The following FOXP1 variants were observed in gnomAD, a reference collection of about 807,000 sequenced individuals.
The protein encoded by FOXP1 is forkhead box P1.
A neutral mutation model predicts 98.2 loss-of-function variants in FOXP1; 15 were observed. The ratio of observed to expected loss-of-function variants is 0.15; its 90% CI spans 0.10 to 0.24. FOXP1 has a LOEUF of 0.24. Ranked by LOEUF, FOXP1 falls within the 10% of genes least tolerant of loss-of-function variation. FOXP1 has a pLI of 1.00. For synonymous variants in FOXP1, 371 were observed against 314.5 expected (o/e 1.18, Z -1.90); for missense variants, 633 against 848.5 (o/e 0.75, Z 3.15).
In FOXP1 at chr3:71,196,631, C is replaced by T. The variant is rs141114446; in HGVS notation, c.180+1571G>A. ...TGGTAAGGGCACAGAAGATAGCATT[C>T]AGCAACATTAACTATTTGTTCTGAA... On this transcript the variant is annotated intron_variant, in intron 6 of 20. Transcript: ENST00000649528. 5.2e-3 allele frequency among the ~76,000 whole-genome samples: 785 copies of T among 152,330 alleles called. 26 individuals carry two copies. Among genetic ancestry groups the T allele is most frequent in the Non-Finnish European group, 1.4e-3 (97 of 68,030 alleles).
chr3:71,024,160 A>G (rs1007081414), intron 11 of FOXP1, among the ~76,000 whole-genome samples: 5 of 152,174 alleles, frequency 3.3e-5, no homozygotes, highest in Non-Finnish European at 5.9e-5. Context: ...ACACCTGCCC[A>G]AAGACGAGCA....
intron 13 of FOXP1, among the ~76,000 whole-genome samples, chr3:70,997,447 T>G (rs2041541640): frequency 6.6e-6 from 1 of 152,170 alleles, no homozygotes. Flanking sequence ...CCCCCATATG[T>G]GGTAGGTCTG....
chr3:71,342,926 C>T (rs541804495), intron 4 of FOXP1, among the ~76,000 whole-genome samples: 27 of 152,284 alleles, frequency 1.8e-4, no homozygotes, highest in African/African-American at 6.5e-4. Context: ...GTTTGGGTTA[C>T]TTCTTCTGTA....
At chr3:71,230,422 T>C (rs559260698) in intron 5 of FOXP1, among the ~76,000 whole-genome samples, 4 of 152,340 alleles carry the variant, frequency 2.6e-5, no homozygotes, top group East Asian at 1.9e-4. Flanking sequence ...GTGTGTTCAA[T>C]GCCCATGAAT....
chr3:71,474,241 A>C (rs900194192), intron 3 of FOXP1, among the ~76,000 whole-genome samples: 7 of 152,226 alleles, frequency 4.6e-5, no homozygotes, highest in African/African-American at 1.7e-4. Flanking sequence ...TAAAAAACCT[A>C]AACCACATTT....
At chr3:71,318,365 A>G (rs952680376) in intron 4 of FOXP1, among the ~76,000 whole-genome samples, 2 of 152,214 alleles carry the variant, frequency 1.3e-5, no homozygotes, top group African/African-American at 2.4e-5. Context: ...TCCCTGAATA[A>G]ACGAAAATAA....
intron 5 of FOXP1, among the ~76,000 whole-genome samples, chr3:71,281,059 A>G (rs112325815): frequency 5.3e-4 from 79 of 148,426 alleles, no homozygotes; most frequent in African/African-American, 1.3e-3. Flanking sequence ...AAAAAAAAAA[A>G]AAGAAGAAGA....
At chr3:71,167,410 A>C (rs2061443504) in intron 6 of FOXP1, among the ~76,000 whole-genome samples, 1 of 152,192 alleles carries the variant, frequency 6.6e-6, no homozygotes, top group Non-Finnish European at 1.5e-5. Flanking sequence ...TCCTTTAATA[A>C]CAGGGCAGTA....
intron 5 of FOXP1, among the ~76,000 whole-genome samples, chr3:71,233,590 CTCTTT>C: frequency 8.6e-6 from 1 of 116,458 alleles, no homozygotes; most frequent in Non-Finnish European, 1.8e-5. Flanking sequence ...CCATGTTTGA[CTCTTT>C]TTTTTTTTTT....
At chr3:71,302,564 C>A (rs891216105) in intron 4 of FOXP1, among the ~76,000 whole-genome samples, 1 of 150,470 alleles carries the variant, frequency 6.6e-6, no homozygotes, top group Non-Finnish European at 1.5e-5. Flanking sequence ...TCCCCTCCAG[C>A]CCACTTGTCT....
intron 7 of FOXP1, among the ~76,000 whole-genome samples, chr3:71,063,538 C>T (rs915370102): frequency 1.3e-5 from 2 of 152,232 alleles, no homozygotes; most frequent in Non-Finnish European, 2.9e-5. Flanking sequence ...CAAAACAGGG[C>T]CGCTTTTAAA....
chr3:71,542,103 C>G (rs978587298), intron 2 of FOXP1: 1 of 495,062 alleles, frequency 2.0e-6, no homozygotes, highest in African/African-American at 2.0e-5. Context: ...GAGGTTTAAG[C>G]AGAAATGCAG....
chr3:71,294,818 G>A (rs2073122507), intron 5 of FOXP1, among the ~76,000 whole-genome samples: 1 of 152,102 alleles, frequency 6.6e-6, no homozygotes, highest in Non-Finnish European at 1.5e-5. Flanking sequence ...ACAATGAGTG[G>A]GATGTATACA....
chr3:71,438,849 A>G (rs1019119635), intron 3 of FOXP1, among the ~76,000 whole-genome samples: 1 of 152,160 alleles, frequency 6.6e-6, no homozygotes, highest in African/African-American at 2.4e-5. Context: ...CGGAATATAA[A>G]GTAAATTACA....
chr3:71,015,255 G>T (rs1335375147), intron 12 of FOXP1, among the ~76,000 whole-genome samples: 9 of 152,170 alleles, frequency 5.9e-5, no homozygotes, highest in African/African-American at 1.7e-4. Context: ...CTAAAAAACT[G>T]CAAGTTTAAT....
At chr3:71,296,935 G>A (rs2073360891) in intron 5 of FOXP1, among the ~76,000 whole-genome samples, 1 of 152,116 alleles carries the variant, frequency 6.6e-6, no homozygotes, top group Admixed American at 6.6e-5. Flanking sequence ...CTTTTGCCAT[G>A]ACTGGAAGCT....
chr3:71,268,669 G>C (rs1299791653), intron 5 of FOXP1, among the ~76,000 whole-genome samples: 1 of 152,170 alleles, frequency 6.6e-6, no homozygotes, highest in Non-Finnish European at 1.5e-5. Flanking sequence ...ACTTCTGTTA[G>C]TCCCCTGATT....
intron 12 of FOXP1, among the ~76,000 whole-genome samples, chr3:71,010,774 G>A (rs1476978033): frequency 6.6e-6 from 1 of 152,070 alleles, no homozygotes; most frequent in Non-Finnish European, 1.5e-5. Context: ...CAGGATCTAT[G>A]AATCCAGCAA....
intron 3 of FOXP1, among the ~76,000 whole-genome samples, chr3:71,382,693 A>G (rs950823026): frequency 1.2e-4 from 18 of 152,228 alleles, no homozygotes; most frequent in Admixed American, 4.6e-4. Flanking sequence ...CAGAGCAGAG[A>G]GCTGGATCAA....
Sources: allele counts gnomAD v4.1 joint callset (sites outside exome capture counted in the v4.1 genomes callset), GRCh38; gene constraint gnomAD v4.1.1; transcripts MANE v1.5; gene names NCBI Gene and HGNC (gene_info 2026-07-23, HGNC 2026-07-21).